The following FBXO45 variants were observed in gnomAD, a reference collection of about 807,000 sequenced individuals.
The protein encoded by FBXO45 is F-box/SPRY domain-containing protein 1.
FBXO45 carries 3 observed loss-of-function variants against 25.5 expected under a neutral mutation model. That is an observed-to-expected ratio of 0.12 (90% confidence interval 0.05 to 0.30). The LOEUF is 0.30. Ranked by LOEUF, FBXO45 falls within the 10% of genes least tolerant of loss-of-function variation. The pLI is 1.00. For synonymous variants in FBXO45, 155 were observed against 149.8 expected (o/e 1.03, Z -0.25); for missense variants, 219 against 365.0 (o/e 0.60, Z 3.26).
At chr3:196,578,164 G>C (rs1279959819) in intron 2 of FBXO45, among the ~76,000 whole-genome samples, 1 of 150,278 alleles carries the variant, frequency 6.7e-6, no homozygotes, top group African/African-American at 2.5e-5. Flanking sequence ...CTCAGCCTCA[G>C]TAGTTGGGAT....
chr3:196,581,270 C>T (rs1172165352), intron 2 of FBXO45, among the ~76,000 whole-genome samples: 3 of 101,896 alleles, frequency 2.9e-5, no homozygotes, highest in African/African-American at 7.7e-5. Context: ...CTCACTCTGT[C>T]GTCAGGCTGG....
rs370186916 is a variant in FBXO45 at position 196,582,128 on chromosome 3, T to C, written c.676-2005T>C. ...CACGTTTTACCCCAGCACCTAAAGA[T>C]GGTAAGACTTCGCTTTCTCCACCCT... On this transcript the variant is annotated intron_variant, in intron 2 of 2. Transcript: ENST00000311630. 1.6e-4 allele frequency among the ~76,000 whole-genome samples: 24 copies of C among 152,302 alleles called. No homozygotes were observed. In the East Asian group the frequency reaches 2.9e-3, roughly 18 times the overall value.
chr3:196,572,862 G>A (rs758783492), intron 1 of FBXO45, among the ~76,000 whole-genome samples: 14 of 152,162 alleles, frequency 9.2e-5, no homozygotes, highest in Non-Finnish European at 1.5e-4. Context: ...TAGGGATGAG[G>A]AAGAGGGAAG....
chr3:196,569,068 G>A lies in FBXO45; in HGVS notation c.84G>A (p.Ser28=), dbSNP rs765658976. The change falls in exon 1 of 3, where the codon TCG becomes TCA. Residue 28 remains serine (S), a synonymous_variant. Transcript: ENST00000311630. This position sits in a 1 kb window ranked among gnomAD's most constrained non-coding sequence, Gnocchi z 4.1. ...GCGGCGCGGGCGCGGGCGCGGGCTCGGGCTCTGGGGCCGCGGGGGCCGGGG... is the reference window on the plus strand; with the variant it reads ...GCGGCGCGGGCGCGGGCGCGGGCTCAGGCTCTGGGGCCGCGGGGGCCGGGG... ...SGGGAGAGAG[S]GSGAAGAGGR... 14 of 1,324,986 alleles carry A rather than the reference G, an allele frequency of 1.1e-5. No individual in the cohort carries two copies. In the South Asian group the frequency reaches 2.3e-4, roughly 22 times the overall value. 82.1% of individuals were successfully genotyped at this position (1,324,986 alleles called of 1,614,324 possible).
intron 2 of FBXO45, among the ~76,000 whole-genome samples, chr3:196,582,981 T>C (rs1247776984): frequency 6.6e-6 from 1 of 152,184 alleles, no homozygotes; most frequent in Non-Finnish European, 1.5e-5. Context: ...CAAAACTTTT[T>C]CCTCACCCCA....
rs2108730603 is a variant in FBXO45 at position 196,586,991 on chromosome 3, G to A, written c.*2673G>A. ...ATAATGGGAAAGTGCTTGTGCCGTGGATGAAAAGTGCTATTAAAAGTCAAA... is the reference window on the plus strand; with the variant it reads ...ATAATGGGAAAGTGCTTGTGCCGTGAATGAAAAGTGCTATTAAAAGTCAAA... On this transcript the variant is annotated 3_prime_UTR_variant, in exon 3 of 3. Coordinates refer to ENST00000311630, the MANE Select transcript of FBXO45 (RefSeq NM_001105573.2). 1 of 152,336 alleles carries A rather than the reference G, an allele frequency of 6.6e-6. No homozygotes were observed. The highest frequency in any genetic ancestry group is 6.5e-5 in the Admixed American group (1 of 15,286). 9.4% of individuals were successfully genotyped at this position (152,336 alleles called of 1,614,324 possible).
At chr3:196,574,607 C>T (rs1735882031) in intron 1 of FBXO45, among the ~76,000 whole-genome samples, 1 of 152,168 alleles carries the variant, frequency 6.6e-6, no homozygotes, top group Non-Finnish European at 1.5e-5. Flanking sequence ...TTCTTCTGTC[C>T]TCTATTTCCT....
intron 2 of FBXO45, among the ~76,000 whole-genome samples, chr3:196,582,967 T>C (rs955813683): frequency 4.6e-5 from 7 of 152,176 alleles, no homozygotes; most frequent in Non-Finnish European, 1.0e-4. Context: ...CCTCTCTCTA[T>C]ACCCAAAACT....
At chr3:196,579,590 T>C (rs950873716) in intron 2 of FBXO45, among the ~76,000 whole-genome samples, 2 of 152,246 alleles carry the variant, frequency 1.3e-5, no homozygotes, top group African/African-American at 4.8e-5. Flanking sequence ...GAGTGTCCCA[T>C]GTGTGCTTGA....
At chr3:196,579,954 T>C (rs1251747407) in intron 2 of FBXO45, among the ~76,000 whole-genome samples, 1 of 152,158 alleles carries the variant, frequency 6.6e-6, no homozygotes, top group Non-Finnish European at 1.5e-5. Flanking sequence ...ACACAGCACA[T>C]AGTTGGATCT....
Position 196,588,731 on chromosome 3 carries a change from A to G in FBXO45, c.*4413A>G, listed in dbSNP as rs868588736. ...GTAAGCCCAATAGGCAGGTGCTCAC[A>G]TATTTGCTGAAGGAACAGAGAAAGA... On this transcript the variant is annotated 3_prime_UTR_variant, in exon 3 of 3. Transcript: ENST00000311630. This position sits in a 1 kb window ranked among gnomAD's most constrained non-coding sequence, Gnocchi z 4.2. 1.3e-5 allele frequency: 2 copies of G among 152,122 alleles called. No homozygotes were observed. Among genetic ancestry groups the G allele is most frequent in the East Asian group, 1.9e-4 (1 of 5,198 alleles). The allele number at this position is 152,122 out of a possible 1,614,324, so 9.4% of individuals were successfully genotyped here. A position where few individuals can be genotyped will look rare whatever the true frequency, so the allele number is the denominator to read the frequency against.
chr3:196,568,816 C>A lies in FBXO45; in HGVS notation c.-169C>A. ...CGTCTGCCCTCAGTGAGGCGGGGCG[C>A]GCGGCGGACGCCCCCGGGCAGGGGC... On this transcript the variant is annotated 5_prime_UTR_variant, in exon 1 of 3. Transcript: ENST00000311630. 3.5e-6 allele frequency: 1 copy of A among 283,950 alleles called. No individual in the cohort carries two copies. The highest frequency in any genetic ancestry group is 5.3e-6 in the Non-Finnish European group (1 of 188,684). The allele number at this position is 283,950 out of a possible 1,614,324, so 17.6% of individuals were successfully genotyped here. A position where few individuals can be genotyped will look rare whatever the true frequency, so the allele number is the denominator to read the frequency against.
At chr3:196,570,532 A>G (rs1205913045) in intron 1 of FBXO45, among the ~76,000 whole-genome samples, 2 of 151,372 alleles carry the variant, frequency 1.3e-5, no homozygotes, top group African/African-American at 4.9e-5. Flanking sequence ...CCACCGCGCG[A>G]TAACACCCCC....
chr3:196,580,527 G>A (rs1735990910), intron 2 of FBXO45, among the ~76,000 whole-genome samples: 1 of 152,070 alleles, frequency 6.6e-6, no homozygotes, highest in South Asian at 2.1e-4. Flanking sequence ...GTTTCTCCAT[G>A]TTGGTCAGGC....
At chr3:196,583,298 G>A (rs1389403999) in intron 2 of FBXO45, among the ~76,000 whole-genome samples, 1 of 152,156 alleles carries the variant, frequency 6.6e-6, no homozygotes, top group Non-Finnish European at 1.5e-5. Context: ...ACGAGGTCAG[G>A]AGATGGAGAC....
At position 196,588,375 on chromosome 3, in the gene FBXO45, T is replaced by G. The variant is rs1374796683; in HGVS notation, c.*4057T>G. 1 of 152,114 alleles carries G rather than the reference T, an allele frequency of 6.6e-6. No individual in the cohort carries two copies. Among genetic ancestry groups the G allele is most frequent in the Non-Finnish European group, 1.5e-5 (1 of 68,042 alleles). The allele number at this position is 152,114 out of a possible 1,614,324, so 9.4% of individuals were successfully genotyped here. ...GTGCCAGGCCAGAAATTTAAGGAGT[T>G]TTAAAGGTTAGCATTGAAAAGATTA... On this transcript the variant is annotated 3_prime_UTR_variant, in exon 3 of 3. Transcript: ENST00000311630. The surrounding 1 kb of genome is among the most constrained non-coding windows in gnomAD (Gnocchi z 4.2).
At chr3:196,570,188 A>G (rs1293638377) in intron 1 of FBXO45, among the ~76,000 whole-genome samples, 6 of 152,198 alleles carry the variant, frequency 3.9e-5, no homozygotes, top group Non-Finnish European at 8.8e-5. Context: ...AAGATCATAT[A>G]TAAGAGAAGA....
intron 1 of FBXO45, among the ~76,000 whole-genome samples, chr3:196,570,705 C>CTTTTTTCTTTTT (rs1211659503): frequency 7.3e-6 from 1 of 136,322 alleles, no homozygotes; most frequent in African/African-American, 2.7e-5. Context: ...TTTCTCTTTT[C>CTTTTTTCTTTTT]TTTTTTCTTT....
chr3:196,573,938 C>CT (rs34587292), intron 1 of FBXO45, among the ~76,000 whole-genome samples: 68,716 of 125,574 alleles, frequency 0.55, 19,882 homozygotes, highest in East Asian at 0.93. Context: ...CTTTATTTTC[C>CT]TTTTTTTTTT....
Sources: gnomAD v4.1 joint callset for allele counts (sites outside exome capture counted in the v4.1 genomes callset) on GRCh38, gnomAD v4.1.1 for gene constraint, Gnocchi (gnomAD v3.1) non-coding constraint, MANE v1.5 for transcripts, NCBI Gene and HGNC (gene_info 2026-07-23, HGNC 2026-07-21) for gene names.